Variants in KBTBD12 observed in about 807,000 individuals in gnomAD.
KBTBD12 encodes kelch repeat and BTB domain-containing protein 12.
A neutral mutation model predicts 58.7 loss-of-function variants in KBTBD12; 53 were observed. The ratio of observed to expected loss-of-function variants is 0.90; its 90% CI spans 0.72 to 1.14. KBTBD12 has a LOEUF of 1.14. KBTBD12 is among the 50% of genes most tolerant of loss of function. KBTBD12 has a pLI of 0.00. For synonymous variants in KBTBD12, 236 were observed against 259.8 expected, an observed-to-expected ratio of 0.91 and a Z score of 0.88; for missense variants, 704 against 751.3, an observed-to-expected ratio of 0.94 and a Z score of 0.74.
chr3:127,927,156 C>T (rs1406757633), intron 2 of KBTBD12, among the ~76,000 whole-genome samples: 2 of 152,074 alleles, frequency 1.3e-5, no homozygotes, highest in African/African-American at 4.8e-5. Context: ...ATTGCCACAT[C>T]TAGTAGATTA....
chr3:127,935,587 G>A (rs892318331), intron 4 of KBTBD12, among the ~76,000 whole-genome samples: 5 of 151,994 alleles, frequency 3.3e-5, no homozygotes, highest in Admixed American at 6.6e-5. Context: ...ATAGTGAGCC[G>A]CCTGCTCAAA....
chr3:127,974,742 C>T (rs1055297985), intron 5 of KBTBD12, among the ~76,000 whole-genome samples: 1 of 152,176 alleles, frequency 6.6e-6, no homozygotes, highest in Non-Finnish European at 1.5e-5. Context: ...AATCCCAGAA[C>T]TTTGGGAGGC....
intron 2 of KBTBD12, among the ~76,000 whole-genome samples, chr3:127,927,356 G>A (rs771604392): frequency 3.3e-5 from 5 of 151,964 alleles, no homozygotes; most frequent in Non-Finnish European, 5.9e-5. Context: ...TTTAATGTTC[G>A]TATGAAAGTG....
chr3:127,971,435 T>C (rs1328746538), intron 5 of KBTBD12, among the ~76,000 whole-genome samples: 2 of 152,212 alleles, frequency 1.3e-5, no homozygotes, highest in Admixed American at 1.3e-4. Context: ...GGGCTCAGCC[T>C]TCTCCCTGCT....
At chr3:127,966,350 A>G (rs1162079134) in intron 5 of KBTBD12, among the ~76,000 whole-genome samples, 1 of 152,210 alleles carries the variant, frequency 6.6e-6, no homozygotes, top group East Asian at 1.9e-4. Flanking sequence ...ACAAGCAACT[A>G]AGGATCACCG....
intron 4 of KBTBD12, among the ~76,000 whole-genome samples, chr3:127,946,007 C>G (rs1234121540): frequency 6.6e-6 from 1 of 152,094 alleles, no homozygotes; most frequent in African/African-American, 2.4e-5. Context: ...TTAGTTGTCC[C>G]AGAGATTTCA....
chr3:127,962,025 T>G (rs1249402615), intron 4 of KBTBD12, among the ~76,000 whole-genome samples: 3 of 152,224 alleles, frequency 2.0e-5, no homozygotes, highest in African/African-American at 4.8e-5. Context: ...ACCCAACATA[T>G]GCAGTTTGCA....
chr3:127,926,232 A>T (rs1939564008), intron 2 of KBTBD12, among the ~76,000 whole-genome samples: 1 of 152,148 alleles, frequency 6.6e-6, no homozygotes, highest in African/African-American at 2.4e-5. Flanking sequence ...TCAGATTAGG[A>T]AGTCACCCAG....
At chr3:127,983,550 C>T (rs1485407448) in intron 5 of KBTBD12, among the ~76,000 whole-genome samples, 1 of 152,084 alleles carries the variant, frequency 6.6e-6, no homozygotes, top group Non-Finnish European at 1.5e-5. Context: ...GTCAGGAGTT[C>T]GAGACCAGCC....
In KBTBD12 at chr3:127,928,115, A is replaced by C. The variant is rs186036448; in HGVS notation, c.1341+81A>C. 312 of 1,211,592 alleles carry C rather than the reference A, an allele frequency of 2.6e-4. 2 individuals carry two copies. In the African/African-American group the frequency reaches 4.2e-3, roughly 16 times the overall value. The allele number at this position is 1,211,592 out of a possible 1,614,324, so 75.1% of individuals were successfully genotyped here. A position where few individuals can be genotyped will look rare whatever the true frequency, so the allele number is the denominator to read the frequency against. ...TGTTAAACATTGTTGTAGTTGTTGA[A>C]TGCTAAAAGAGTGTGACTTACATTT... is the stretch of plus-strand genomic sequence containing the variant. On this transcript the variant is annotated intron_variant, in intron 3 of 5. Coordinates refer to ENST00000405109, the MANE Select transcript of KBTBD12 (RefSeq NM_207335.4).
chr3:127,953,333 G>A (rs1940250184), intron 4 of KBTBD12, among the ~76,000 whole-genome samples: 1 of 152,196 alleles, frequency 6.6e-6, no homozygotes. Context: ...AAAGGACTGA[G>A]TCTTTCTACT....
At chr3:127,967,406 C>G (rs1211812964) in intron 5 of KBTBD12, among the ~76,000 whole-genome samples, 1 of 152,140 alleles carries the variant, frequency 6.6e-6, no homozygotes, top group African/African-American at 2.4e-5. Context: ...TCATAATAAA[C>G]ATACTCAATA....
chr3:127,930,914 GA>G (rs1379190352), intron 4 of KBTBD12, among the ~76,000 whole-genome samples: 2 of 152,050 alleles, frequency 1.3e-5, no homozygotes, highest in African/African-American at 4.8e-5. Context: ...TCCATTCCTT[GA>G]TTTTTCCTGT....
At chr3:127,930,991 C>T (rs1350617156) in intron 4 of KBTBD12, among the ~76,000 whole-genome samples, 1 of 152,078 alleles carries the variant, frequency 6.6e-6, no homozygotes, top group Non-Finnish European at 1.5e-5. Context: ...ATCACCTTCC[C>T]TCACCTCCCT....
intron 3 of KBTBD12, 93 bp downstream of exon 3, chr3:127,928,127 T>G: frequency 9.0e-7 from 1 of 1,110,290 alleles, no homozygotes; most frequent in Non-Finnish European, 1.3e-6. Context: ...GCTAAAAGAG[T>G]GTGACTTACA....
rs530995063 is a variant in KBTBD12, at chr3:127,984,230, C to T, written c.1824C>T (p.Asp608=). 1 of 1,613,948 alleles carries T rather than the reference C, an allele frequency of 6.2e-7. No homozygotes were observed. Among genetic ancestry groups the T allele is most frequent in the South Asian group, 1.1e-5 (1 of 91,060 alleles). ...TAGTAGCCAGGATGAATCCCCGAGA[C>T]CTCATCCCCCCGCCTTCAGATTTGG... ...VCLVARMNPR[D]LIPPPSDLVE... Residue 608 remains aspartate (D), a synonymous_variant, in exon 6 of 6, where the codon GAC becomes GAT. Transcript: ENST00000405109.
At chr3:127,971,524 TTCTG>T (rs1054408903) in intron 5 of KBTBD12, among the ~76,000 whole-genome samples, 2 of 152,200 alleles carry the variant, frequency 1.3e-5, no homozygotes, top group South Asian at 2.1e-4. Flanking sequence ...AGGCTCTGGT[TTCTG>T]TCTGTTTCCC....
intron 5 of KBTBD12, among the ~76,000 whole-genome samples, chr3:127,968,950 A>C (rs1343667966): frequency 6.6e-6 from 1 of 152,208 alleles, no homozygotes; most frequent in Non-Finnish European, 1.5e-5. Context: ...AGCCCGATAA[A>C]GGGTATTTAT....
chr3:127,934,562 AAAG>A (rs1459659354), intron 4 of KBTBD12, among the ~76,000 whole-genome samples: 5 of 152,208 alleles, frequency 3.3e-5, no homozygotes, highest in Non-Finnish European at 7.4e-5. Flanking sequence ...TCTACAGAGC[AAAG>A]AAGTTTATCA....
Sources: allele counts gnomAD v4.1 joint callset (sites outside exome capture counted in the v4.1 genomes callset), GRCh38; gene constraint gnomAD v4.1.1; transcripts MANE v1.5; gene names NCBI Gene and HGNC (gene_info 2026-07-23, HGNC 2026-07-21).